The following PTCSC3 variants were observed in gnomAD, a reference collection of about 807,000 sequenced individuals.
PTCSC3 encodes the protein papillary thyroid carcinoma susceptibility candidate 3 (non-protein coding).
At chr14:36,151,283 C>A (rs1473750560) in intron 3 of PTCSC3, among the ~76,000 whole-genome samples, 2 of 151,460 alleles carry the variant, frequency 1.3e-5, no homozygotes, top group Non-Finnish European at 2.9e-5. Context: ...TAAGGTATTA[C>A]CCCCCCGCCC....
intron 2 of PTCSC3, among the ~76,000 whole-genome samples, chr14:36,160,690 A>G (rs937668816): frequency 2.0e-5 from 3 of 151,892 alleles, no homozygotes; most frequent in African/African-American, 4.8e-5. Context: ...GAATCTGACA[A>G]TTATATGTCT....
intron 3 of PTCSC3, among the ~76,000 whole-genome samples, chr14:36,142,499 T>G (rs990176120): frequency 6.6e-6 from 1 of 152,196 alleles, no homozygotes; most frequent in Non-Finnish European, 1.5e-5. Context: ...CCTATTAGAA[T>G]AAATTAGTAA....
At chr14:36,170,788 G>A (rs1478977502) in intron 1 of PTCSC3, among the ~76,000 whole-genome samples, 5 of 152,072 alleles carry the variant, frequency 3.3e-5, no homozygotes, top group Admixed American at 3.3e-4. Flanking sequence ...CTATTTGTTG[G>A]ACTTTTAGAC....
intron 1 of PTCSC3, among the ~76,000 whole-genome samples, chr14:36,163,791 T>A (rs1305354110): frequency 6.6e-6 from 1 of 152,206 alleles, no homozygotes; most frequent in Non-Finnish European, 1.5e-5. Flanking sequence ...GAAAATGATA[T>A]CTTTATACTT....
chr14:36,164,599 T>A (rs1279548003), intron 1 of PTCSC3, among the ~76,000 whole-genome samples: 6 of 152,296 alleles, frequency 3.9e-5, no homozygotes, highest in South Asian at 4.1e-4. Context: ...TTTTATTTTT[T>A]ATAAAACAAC....
intron 1 of PTCSC3, among the ~76,000 whole-genome samples, chr14:36,168,277 A>AAAC (rs1225383642): frequency 2.0e-5 from 3 of 150,944 alleles, no homozygotes; most frequent in Non-Finnish European, 4.4e-5. Flanking sequence ...ATCTTTACCT[A>AAAC]AACAACACCC....
chr14:36,156,891 T>C (rs969548027), intron 2 of PTCSC3, among the ~76,000 whole-genome samples: 1 of 152,208 alleles, frequency 6.6e-6, no homozygotes, highest in African/African-American at 2.4e-5. Flanking sequence ...CATGTGTCTT[T>C]ATAGTAGAAT....
At chr14:36,157,834 A>T (rs575795439) in intron 2 of PTCSC3, among the ~76,000 whole-genome samples, 1 of 152,336 alleles carries the variant, frequency 6.6e-6, no homozygotes, top group East Asian at 1.9e-4. Flanking sequence ...TTCACTCTAT[A>T]AATTACTTTG....
chr14:36,169,290 T>C (rs1882151992), intron 1 of PTCSC3, among the ~76,000 whole-genome samples: 1 of 152,168 alleles, frequency 6.6e-6, no homozygotes, highest in African/African-American at 2.4e-5. Flanking sequence ...GCTCTCAAAG[T>C]TCTATTTATG....
intron 2 of PTCSC3, among the ~76,000 whole-genome samples, chr14:36,155,500 A>G (rs1594451100): frequency 6.6e-6 from 1 of 151,936 alleles, no homozygotes; most frequent in Non-Finnish European, 1.5e-5. Context: ...AGCTTATTTT[A>G]TACACTCACG....
At chr14:36,161,672 G>A (rs1881959230) in intron 2 of PTCSC3, among the ~76,000 whole-genome samples, 3 of 152,220 alleles carry the variant, frequency 2.0e-5, no homozygotes, top group South Asian at 2.1e-4. Context: ...CCGGCTGGGA[G>A]GTGTCTCTCA....
At chr14:36,150,993 A>G (rs1881708946) in intron 3 of PTCSC3, among the ~76,000 whole-genome samples, 1 of 152,192 alleles carries the variant, frequency 6.6e-6, no homozygotes, top group Non-Finnish European at 1.5e-5. Flanking sequence ...GTTCATGTAA[A>G]TGCAAGTTTC....
At chr14:36,151,285 C>A (rs185525440) in intron 3 of PTCSC3, among the ~76,000 whole-genome samples, 1 of 151,740 alleles carries the variant, frequency 6.6e-6, no homozygotes, top group South Asian at 2.1e-4. Context: ...AGGTATTACC[C>A]CCCCGCCCCT....
At chr14:36,172,952 T>A (rs1328034208) in intron 1 of PTCSC3, among the ~76,000 whole-genome samples, 2 of 152,162 alleles carry the variant, frequency 1.3e-5, no homozygotes, top group East Asian at 3.8e-4. Context: ...CTTTGTTTTT[T>A]TTTTAAGTAT....
At chr14:36,153,317 A>G (rs1057041397) in intron 3 of PTCSC3, among the ~76,000 whole-genome samples, 1 of 152,252 alleles carries the variant, frequency 6.6e-6, no homozygotes, top group Non-Finnish European at 1.5e-5. Flanking sequence ...TGGCAGGGGC[A>G]CAAATATTTA....
intron 3 of PTCSC3, among the ~76,000 whole-genome samples, chr14:36,151,357 C>T (rs1881719507): frequency 6.6e-6 from 1 of 151,934 alleles, no homozygotes; most frequent in South Asian, 2.1e-4. Context: ...TATCATATGC[C>T]TAAATTTTGG....
At chr14:36,160,535 A>G (rs975348478) in intron 2 of PTCSC3, among the ~76,000 whole-genome samples, 1 of 152,164 alleles carries the variant, frequency 6.6e-6, no homozygotes, top group African/African-American at 2.4e-5. Flanking sequence ...TATTTTAAGA[A>G]TGTTGAATAT....
intron 1 of PTCSC3, among the ~76,000 whole-genome samples, chr14:36,170,000 G>C (rs1820604): frequency 0.55 from 83,587 of 151,826 alleles, 24,642 homozygotes; most frequent in Non-Finnish European, 0.66. Context: ...ACTGTGTCTG[G>C]AAATAACCAT....
intron 3 of PTCSC3, among the ~76,000 whole-genome samples, chr14:36,152,937 A>G (rs1050397566): frequency 6.6e-6 from 1 of 152,080 alleles, no homozygotes; most frequent in African/African-American, 2.4e-5. Context: ...AAGAAAAAAG[A>G]CAACCCAAGT....
Sources: gnomAD v4.1 joint callset for allele counts (sites outside exome capture counted in the v4.1 genomes callset) on GRCh38, gnomAD v4.1.1 for gene constraint, MANE v1.5 for transcripts, NCBI Gene and HGNC (gene_info 2026-07-23, HGNC 2026-07-21) for gene names.